Variants in GRB10 observed in about 807,000 individuals in gnomAD.
The protein encoded by GRB10 is growth factor receptor-bound protein 10.
A neutral mutation model predicts 80.9 loss-of-function variants in GRB10; 20 were observed. That is an observed-to-expected ratio of 0.25 (90% CI 0.17 to 0.36). The LOEUF is 0.36. Ranked by LOEUF, GRB10 falls within the 10% of genes least tolerant of loss-of-function variation. The pLI, the probability that GRB10 is intolerant of heterozygous loss-of-function variation, is 1.00. For synonymous variants in GRB10, 291 were observed against 291.5 expected (o/e 1.00, Z 0.02); for missense variants, 548 against 747.7 (o/e 0.73, Z 3.12).
At chr7:50,639,702 T>C (rs1279052778) in intron 7 of GRB10, among the ~76,000 whole-genome samples, 1 of 151,804 alleles carries the variant, frequency 6.6e-6, no homozygotes, top group Non-Finnish European at 1.5e-5. Flanking sequence ...CAACCATGGT[T>C]TTCAGAGACC....
At chr7:50,737,991 C>T (rs996751574) in intron 3 of GRB10, among the ~76,000 whole-genome samples, 5 of 152,148 alleles carry the variant, frequency 3.3e-5, no homozygotes, top group Admixed American at 6.5e-5. Context: ...AGAAGATATA[C>T]GAATGGCCAA....
chr7:50,690,222 G>C (rs865905110), intron 5 of GRB10, among the ~76,000 whole-genome samples: 1 of 152,176 alleles, frequency 6.6e-6, no homozygotes. Flanking sequence ...CTTGAACCCG[G>C]GAGGTGGAGG....
chr7:50,703,839 G>C lies in GRB10; in HGVS notation c.121C>G (p.Arg41Gly), dbSNP rs755643751. The change falls in exon 5 of 19, where the codon CGA becomes GGA. Residue 41 changes from arginine to glycine, a missense_variant. Coordinates refer to ENST00000401949, the MANE Select transcript of GRB10 (RefSeq NM_001350814.2). ...TCCTTACCCTGGTGATTCGCAAGTC[G>C]GTCAGACTGTGCGGGGAGTCCTGGT... ...AGPGLPAQSD[R>G]LANHQEDDVD... The C allele has an allele frequency of 6.2e-7, 1 of 1,612,672 alleles. No individual in the cohort carries two copies.
intron 5 of GRB10, among the ~76,000 whole-genome samples, chr7:50,684,021 A>G (rs1447256071): frequency 6.6e-6 from 1 of 152,210 alleles, no homozygotes; most frequent in African/African-American, 2.4e-5. Flanking sequence ...CCTGCAGAAC[A>G]TGGCAGGTGG....
intron 5 of GRB10, among the ~76,000 whole-genome samples, chr7:50,681,371 C>T (rs1271911664): frequency 6.6e-6 from 1 of 152,232 alleles, no homozygotes; most frequent in Non-Finnish European, 1.5e-5. Context: ...CAAGCTGCTC[C>T]AGTCTTCCGG....
intron 2 of GRB10, among the ~76,000 whole-genome samples, chr7:50,768,456 T>G (rs74813781): frequency 0.055 from 8,430 of 152,270 alleles, 310 homozygotes; most frequent in Middle Eastern, 0.13. Context: ...GGAGTTCTGT[T>G]TTCACTTCCT....
chr7:50,601,537 A>G (rs914928699), intron 17 of GRB10, among the ~76,000 whole-genome samples: 6 of 152,234 alleles, frequency 3.9e-5, no homozygotes, highest in Non-Finnish European at 7.3e-5. Context: ...GACTGTAAAG[A>G]AATCGCAATT....
At chr7:50,620,775 A>T (rs939105359) in intron 8 of GRB10, among the ~76,000 whole-genome samples, 11 of 152,188 alleles carry the variant, frequency 7.2e-5, no homozygotes, top group African/African-American at 2.7e-4. Context: ...TGCAACAAAA[A>T]CTGTTACGTT....
upstream of GRB10, among the ~76,000 whole-genome samples, chr7:50,784,520 G>A (rs961442862): frequency 7.9e-5 from 12 of 152,298 alleles, no homozygotes; most frequent in African/African-American, 2.9e-4. Flanking sequence ...AACAGGTTGT[G>A]CAGGACAGAG....
At position 50,604,995 on chromosome 7, in the gene GRB10, C is replaced by A. The variant is rs1017364365; in HGVS notation, c.1389+295G>T. On this transcript the variant is annotated intron_variant, in intron 15 of 18. Coordinates refer to ENST00000401949, the MANE Select transcript of GRB10 (RefSeq NM_001350814.2). ...CTGTGCACTCCACAGACAGCCACTG[C>A]CAGTTCATCAGCAGAACAGTTCTGC... 3 of 418,388 alleles carry A rather than the reference C, an allele frequency of 7.2e-6. No homozygotes were observed. The Admixed American group carries it at 1.1e-4, about 16-fold the overall frequency. The allele number at this position is 418,388 out of a possible 1,614,324, so 25.9% of individuals were successfully genotyped here. A position where few individuals can be genotyped will look rare whatever the true frequency, so the allele number is the denominator to read the frequency against.
At chr7:50,705,824 G>A (rs73349036) in intron 4 of GRB10, among the ~76,000 whole-genome samples, 1,578 of 152,304 alleles carry the variant, frequency 0.01, 28 homozygotes, top group African/African-American at 0.033. Context: ...TAAGAAAGAG[G>A]GGAAAGACAG....
chr7:50,700,933 T>C (rs1457561230), intron 5 of GRB10, among the ~76,000 whole-genome samples: 1 of 152,260 alleles, frequency 6.6e-6, no homozygotes, highest in Non-Finnish European at 1.5e-5. Flanking sequence ...GTCTGTTGGG[T>C]AGAGGGAGCT....
chr7:50,722,322 T>C (rs913464632), intron 4 of GRB10, among the ~76,000 whole-genome samples: 5 of 152,070 alleles, frequency 3.3e-5, no homozygotes, highest in Admixed American at 3.3e-4. Flanking sequence ...CCTAAGGTGA[T>C]AGAAAGGTCC....
chr7:50,651,480 T>C (rs1054897282), intron 7 of GRB10, among the ~76,000 whole-genome samples: 1 of 152,202 alleles, frequency 6.6e-6, no homozygotes, highest in Non-Finnish European at 1.5e-5. Flanking sequence ...ACACCAGTCA[T>C]ATTGGCTAAG....
upstream of GRB10, among the ~76,000 whole-genome samples, chr7:50,785,830 C>T (rs539651825): frequency 6.6e-6 from 1 of 152,128 alleles, no homozygotes; most frequent in Non-Finnish European, 1.5e-5. Flanking sequence ...AGAAACGATA[C>T]ACAAAAAGTT....
intron 3 of GRB10, among the ~76,000 whole-genome samples, chr7:50,735,353 G>C (rs773556663): frequency 1.3e-5 from 2 of 152,182 alleles, no homozygotes; most frequent in Non-Finnish European, 2.9e-5. Flanking sequence ...ATATTGTTAA[G>C]ATGAAATACT....
intron 2 of GRB10, among the ~76,000 whole-genome samples, chr7:50,758,606 C>T (rs539384443): frequency 5.3e-5 from 8 of 152,244 alleles, no homozygotes; most frequent in African/African-American, 1.2e-4. Flanking sequence ...ACTTTCATGA[C>T]GAGGGTATTC....
At chr7:50,601,631 T>C (rs1330957232) in intron 17 of GRB10, among the ~76,000 whole-genome samples, 1 of 151,564 alleles carries the variant, frequency 6.6e-6, no homozygotes, top group Admixed American at 6.6e-5. Flanking sequence ...TATAAAGTAA[T>C]AAGTAATTAA....
intron 7 of GRB10, among the ~76,000 whole-genome samples, chr7:50,632,855 G>C (rs567997183): frequency 3.3e-5 from 5 of 152,272 alleles, no homozygotes; most frequent in African/African-American, 1.2e-4. Flanking sequence ...AGTGGCCTGA[G>C]AGGTGTCCCT....
Sources: gnomAD v4.1 joint callset for allele counts (sites outside exome capture counted in the v4.1 genomes callset) on GRCh38, gnomAD v4.1.1 for gene constraint, MANE v1.5 for transcripts, NCBI Gene and HGNC (gene_info 2026-07-23, HGNC 2026-07-21) for gene names.